The following GALNS variants were observed in gnomAD, a reference collection of about 807,000 sequenced individuals.
GALNS encodes the protein N-acetylgalactosamine-6-sulfatase.
GALNS carries 65 observed loss-of-function variants against 65.9 expected under a neutral mutation model. The ratio of observed to expected loss-of-function variants is 0.99; its 90% CI spans 0.81 to 1.21. GALNS has a LOEUF of 1.21. Ranked by LOEUF, GALNS falls within the 50% of genes most tolerant of loss-of-function variation. The probability of loss-of-function intolerance (pLI) is 0.00; values close to 1 mark genes in which losing one functional copy is unlikely to be tolerated. For synonymous variants in GALNS, 346 were observed against 288.9 expected (o/e 1.20, Z -2.00); for missense variants, 776 against 700.7 (o/e 1.11, Z -1.21).
At chr16:88,845,140 G>C (rs575058408) in intron 1 of GALNS, 2 of 152,066 alleles carry the variant, frequency 1.3e-5, no homozygotes, top group Admixed American at 1.3e-4. Flanking sequence ...CAGGTCAGGA[G>C]ATCGAGACCA....
intron 1 of GALNS, among the ~76,000 whole-genome samples, chr16:88,854,586 G>A (rs1036816275): frequency 3.3e-5 from 5 of 152,210 alleles, no homozygotes; most frequent in Admixed American, 2.0e-4. Context: ...CCCCCAGTGT[G>A]CTTGGCGCAG....
intron 9 of GALNS, among the ~76,000 whole-genome samples, chr16:88,827,785 C>G (rs776830872): frequency 4.6e-5 from 7 of 152,156 alleles, no homozygotes; most frequent in Non-Finnish European, 8.8e-5. Flanking sequence ...GGTCACTCGA[C>G]GGGGAGACTG....
At chr16:88,826,978 G>T in intron 9 of GALNS, 140 bp from the exon 10 acceptor site, 1 of 1,045,878 alleles carries the variant, frequency 9.6e-7, no homozygotes, top group Non-Finnish European at 1.4e-6. Flanking sequence ...CCACAGCAGG[G>T]ACTGAGCGGG....
At chr16:88,842,863 G>A (rs769918564) in intron 1 of GALNS, 34 bp from the exon 2 acceptor site, 20 of 1,609,798 alleles carry the variant, frequency 1.2e-5, no homozygotes, top group South Asian at 5.5e-5. Context: ...AGGAATGAGC[G>A]CCTTCTGCAG....
chr16:88,829,522 C>A (rs1331489528), intron 9 of GALNS, among the ~76,000 whole-genome samples: 1 of 152,214 alleles, frequency 6.6e-6, no homozygotes, highest in Non-Finnish European at 1.5e-5. Flanking sequence ...CCATGTCAGA[C>A]AAAGGCTGCC....
chr16:88,856,722 ACCCCGGCCCTG>A (rs558262330), intron 1 of GALNS, 25 bp downstream of exon 1: 8 of 419,602 alleles, frequency 1.9e-5, no homozygotes, highest in Admixed American at 1.2e-4. Flanking sequence ...TCCCCGCCCC[ACCCCGGCCCTG>A]CCCCGTCCCA....
chr16:88,821,103 C>T (rs60974182), intron 12 of GALNS, among the ~76,000 whole-genome samples: 6,156 of 152,230 alleles, frequency 0.04, 429 homozygotes, highest in African/African-American at 0.14. Context: ...CTCTGTATCT[C>T]GGCACCCCCA....
chr16:88,826,870 A>C, intron 9 of GALNS, 32 bp from the exon 10 acceptor site: 1 of 1,555,900 alleles, frequency 6.4e-7, no homozygotes, highest in South Asian at 1.2e-5. Context: ...CGGTCAGGGC[A>C]CTCTGCACCG....
intron 7 of GALNS, 23 bp from the exon 8 acceptor site, chr16:88,835,375 A>C (rs762585316): frequency 2.5e-6 from 4 of 1,613,186 alleles, no homozygotes; most frequent in East Asian, 4.5e-5. Context: ...GACAAAAGGC[A>C]TCTCCATACC....
rs149673322 is a variant in GALNS at position 88,845,794 on chromosome 16, C to G, written c.121-2965G>C. On this transcript the variant is annotated intron_variant, in intron 1 of 13. Coordinates refer to ENST00000268695, the MANE Select transcript of GALNS (RefSeq NM_000512.5). ...ATCACTTAAAGCCAGGAGTTCGAGA[C>G]CAGCCTGGACAACACAGCAAGACTC... 6.0e-3 allele frequency among the ~76,000 whole-genome samples: 898 copies of G among 150,806 alleles called. 3 individuals carry two copies. Among genetic ancestry groups the G allele is most frequent in the Non-Finnish European group, 9.6e-3 (650 of 67,784 alleles).
In GALNS at chr16:88,856,846, C is replaced by T. The variant is rs1490449404; in HGVS notation, c.32G>A (p.Trp11Ter). ...GGCGCTGAGCACCAGCAACAGCTGCCACCACCTCGTCGCCGCGACAACCGC... is the reference window on the plus strand; with the variant it reads ...GGCGCTGAGCACCAGCAACAGCTGCTACCACCTCGTCGCCGCGACAACCGC... The part of the protein sequence containing the change: MAAVVAATRW[W>*]QLLLVLSAAG... The change falls in exon 1 of 14, where the codon TGG becomes TAG. Residue 11 changes from tryptophan to a stop codon, truncating the protein, a stop_gained. Transcript: ENST00000268695. LOFTEE classifies it high-confidence loss of function. The T allele has an allele frequency of 6.6e-7, 1 of 1,515,536 alleles. No individual in the cohort carries two copies. Among genetic ancestry groups the T allele is most frequent in the African/African-American group, 1.4e-5 (1 of 69,202 alleles). The allele number at this position is 1,515,536 out of a possible 1,614,324, so 93.9% of individuals were successfully genotyped here.
chr16:88,838,124 TC>T (rs1404115632), intron 4 of GALNS, among the ~76,000 whole-genome samples: 1 of 152,130 alleles, frequency 6.6e-6, no homozygotes, highest in Non-Finnish European at 1.5e-5. Context: ...TTTTCTGAAC[TC>T]CCAGGAGAGT....
intron 8 of GALNS, among the ~76,000 whole-genome samples, chr16:88,833,732 G>C (rs190396734): frequency 1.1e-3 from 160 of 152,236 alleles, no homozygotes; most frequent in Middle Eastern, 3.4e-3. Flanking sequence ...TTACAGGTGT[G>C]AGCCACCACG....
intron 1 of GALNS, among the ~76,000 whole-genome samples, chr16:88,847,478 C>G (rs1967302577): frequency 1.3e-5 from 2 of 152,246 alleles, no homozygotes; most frequent in Admixed American, 1.3e-4. Flanking sequence ...GGACTGCCAC[C>G]TGCATGGACA....
intron 6 of GALNS, 128 bp from the exon 7 acceptor site, chr16:88,835,977 G>C (rs1912089750): frequency 6.8e-7 from 1 of 1,464,628 alleles, no homozygotes; most frequent in East Asian, 2.3e-5. Flanking sequence ...GTCCCACGGG[G>C]CAAGGTTGGT....
rs372345606 is a variant in GALNS at position 88,840,780 on chromosome 16, C to T, written c.422+212G>A. The T allele has an allele frequency of 7.3e-4, 437 of 602,310 alleles. 2 individuals are homozygous for T. The highest frequency in any genetic ancestry group is 6.6e-3 in the African/African-American group (356 of 54,254). The allele number at this position is 602,310 out of a possible 1,614,324, so 37.3% of individuals were successfully genotyped here. A position where few individuals can be genotyped will look rare whatever the true frequency, so the allele number is the denominator to read the frequency against. On this transcript the variant is annotated intron_variant, in intron 4 of 13. Coordinates refer to ENST00000268695, the MANE Select transcript of GALNS (RefSeq NM_000512.5). ...TCTGATGCCGCAGGATACTCGCGGC[C>T]GTGGGACCAGCCTGGTGACCTGAGA...
chr16:88,855,684 C>T, intron 1 of GALNS: 1 of 595,350 alleles, frequency 1.7e-6, no homozygotes, highest in African/African-American at 1.9e-5. Flanking sequence ...AGATATTTTA[C>T]ATTATTTTTC....
chr16:88,854,551 G>A (rs1167672481), intron 1 of GALNS, among the ~76,000 whole-genome samples: 1 of 152,244 alleles, frequency 6.6e-6, no homozygotes, highest in Non-Finnish European at 1.5e-5. Context: ...CGAGGCCTGG[G>A]CTGGACAGGT....
chr16:88,814,515 G>T lies in GALNS; in HGVS notation c.1493C>A (p.Pro498His). Reference sequence around the variant, plus strand: ...CTTCCCTAACTTTTCACAGCCCGGAGGTGCCCAGTTCTGGGAAATGAAAAT... The same window carrying T: ...CTTCCCTAACTTTTCACAGCCCGGATGTGCCCAGTTCTGGGAAATGAAAAT... ...VCNWAVMNWA[P>H]PGCEKLGKCL... The change falls in exon 14 of 14, where the codon CCT becomes CAT. Residue 498 changes from proline to histidine, a missense_variant. Physicochemically the swap from Pro to His is moderately conservative, Grantham distance 77. Transcript: ENST00000268695. 6.4e-7 allele frequency: 1 copy of T among 1,557,116 alleles called. No homozygotes were observed.
Sources: allele counts gnomAD v4.1 joint callset (sites outside exome capture counted in the v4.1 genomes callset), GRCh38; gene constraint gnomAD v4.1.1; transcripts MANE v1.5; gene names NCBI Gene and HGNC (gene_info 2026-07-23, HGNC 2026-07-21).